The following ATP2C2 variants were observed in gnomAD, a reference collection of about 807,000 sequenced individuals.
ATP2C2 encodes the protein calcium-transporting ATPase type 2C member 2.
Under a neutral mutation model 110.8 loss-of-function variants are expected in ATP2C2, and 171 were observed. The ratio of observed to expected loss-of-function variants is 1.54; its 90% CI spans 1.36 to 1.75. ATP2C2 has a LOEUF of 1.75. ATP2C2 is among the 40% of genes most tolerant of loss of function. The probability of loss-of-function intolerance (pLI) is 0.00; values close to 1 mark genes in which losing one functional copy is unlikely to be tolerated. For synonymous variants in ATP2C2, 804 were observed against 508.4 expected (o/e 1.58, Z -7.82); for missense variants, 1,963 against 1,235.0 (o/e 1.59, Z -8.84).
intron 23 of ATP2C2, 103 bp downstream of exon 23, chr16:84,459,489 C>T (rs559356642): frequency 3.1e-6 from 5 of 1,590,902 alleles, no homozygotes; most frequent in Admixed American, 3.5e-5. Context: ...TGAACAAATA[C>T]AGCCACTTTC....
At chr16:84,376,742 C>T (rs960327763) in intron 1 of ATP2C2, among the ~76,000 whole-genome samples, 1 of 152,186 alleles carries the variant, frequency 6.6e-6, no homozygotes, top group Non-Finnish European at 1.5e-5. Flanking sequence ...CACACATCAT[C>T]CCATGGGGCT....
chr16:84,403,551 C>G (rs920941200), intron 2 of ATP2C2, among the ~76,000 whole-genome samples: 3 of 152,186 alleles, frequency 2.0e-5, no homozygotes. Flanking sequence ...CAAGCAATCT[C>G]CCCACCTCAA....
chr16:84,417,027 A>C (rs1235137177), intron 7 of ATP2C2, among the ~76,000 whole-genome samples: 1 of 152,214 alleles, frequency 6.6e-6, no homozygotes, highest in Admixed American at 6.5e-5. Context: ...AGAGGTGGCC[A>C]ATGACCTGGG....
chr16:84,390,365 C>T (rs1597746021), intron 1 of ATP2C2, among the ~76,000 whole-genome samples: 1 of 152,202 alleles, frequency 6.6e-6, no homozygotes, highest in Non-Finnish European at 1.5e-5. Context: ...GTGGTCCCCT[C>T]GGGAGCCTCT....
chr16:84,455,016 C>CA, intron 21 of ATP2C2, 32 bp downstream of exon 21: 1 of 1,599,878 alleles, frequency 6.3e-7, no homozygotes, highest in South Asian at 1.1e-5. Flanking sequence ...TTTTCAGTTG[C>CA]AAAAATGCCT....
chr16:84,397,655 C>CAAAAAAAAAAAAAAAAAAA lies in ATP2C2; in HGVS notation c.100-826_100-825insAAAAAAAAAAAAAAAAAAA, dbSNP rs58934576. The stretch of plus-strand genomic sequence containing the variant: ...CACCACTGCACTCCAGCCTGGGTGA[C>CAAAAAAAAAAAAAAAAAAA]AAAAAAAAAAAAAAAAAACTTGCTT... On this transcript the variant is annotated intron_variant, in intron 1 of 26. Transcript: ENST00000262429. Among the ~76,000 whole-genome samples the CAAAAAAAAAAAAAAAAAAA allele has an allele frequency of 9.3e-3, 589 of 63,410 alleles. 85 individuals are homozygous for CAAAAAAAAAAAAAAAAAAA. The highest frequency in any genetic ancestry group is 0.028 in the East Asian group (56 of 2,024). The allele number at this position is 63,410 out of a possible 152,430, so 41.6% of individuals were successfully genotyped here. A position where few individuals can be genotyped will look rare whatever the true frequency, so the allele number is the denominator to read the frequency against.
chr16:84,451,087 G>T lies in ATP2C2; in HGVS notation c.1661-834G>T, dbSNP rs185917357. On this transcript the variant is annotated intron_variant, in intron 17 of 26. Transcript: ENST00000262429. ...ATTTACAAAGAAAAAGAGGTTGAAT[G>T]GACTCAGTTCCACGTGGCTGGGGAG... Among the ~76,000 whole-genome samples the T allele has an allele frequency of 4.6e-5, 7 of 152,292 alleles. No homozygotes were observed. In the East Asian group the frequency reaches 1.4e-3, roughly 29 times the overall value.
At chr16:84,425,705 G>A (rs776996927) in intron 10 of ATP2C2, 30 bp from the exon 11 acceptor site, 1 of 1,610,014 alleles carries the variant, frequency 6.2e-7, no homozygotes, top group Non-Finnish European at 8.5e-7. Context: ...AGTGCATATG[G>A]AGATAAGGAT....
At chr16:84,407,762 C>T (rs983406487) in intron 3 of ATP2C2, among the ~76,000 whole-genome samples, 33 of 152,186 alleles carry the variant, frequency 2.2e-4, no homozygotes, top group Admixed American at 2.0e-3. Flanking sequence ...TGAGCCTCTG[C>T]ACCCAGCCCT....
chr16:84,462,183 G>T, intron 26 of ATP2C2, 54 bp downstream of exon 26: 1 of 1,576,838 alleles, frequency 6.3e-7, no homozygotes, highest in East Asian at 2.3e-5. Context: ...CATGGGGGGC[G>T]GCAGCTGCCA....
chr16:84,450,145 T>C (rs1910127363), intron 17 of ATP2C2, among the ~76,000 whole-genome samples: 1 of 152,222 alleles, frequency 6.6e-6, no homozygotes, highest in South Asian at 2.1e-4. Flanking sequence ...TTTTCCTGTC[T>C]TCCCCCAGTG....
intron 11 of ATP2C2, among the ~76,000 whole-genome samples, chr16:84,437,774 C>T (rs1420503651): frequency 6.6e-6 from 1 of 152,234 alleles, no homozygotes; most frequent in Non-Finnish European, 1.5e-5. Flanking sequence ...CCTGGGCCTC[C>T]CAAAGTGCTG....
chr16:84,369,047 C>A (rs1206107102), intron 1 of ATP2C2, among the ~76,000 whole-genome samples: 3 of 152,214 alleles, frequency 2.0e-5, no homozygotes. Flanking sequence ...ATTAAAATTC[C>A]TGGGTCTCCA....
Position 84,451,957 on chromosome 16 carries a change from TGAC to T in ATP2C2, c.1699_1701del (p.Thr567del). ...GCTTCTGGGCCCGAGCTGGGGCGGCTGACGTTTCTCGGTCTTGTGGGCATCATT... is the reference window on the plus strand; with the variant it reads ...GCTTCTGGGCCCGAGCTGGGGCGGCTGTTTCTCGGTCTTGTGGGCATCATT... On this transcript the variant is annotated inframe_deletion, in exon 18 of 27. Transcript: ENST00000262429. 1 of 1,613,990 alleles carries T rather than the reference TGAC, an allele frequency of 6.2e-7. No homozygotes were observed. The highest frequency in any genetic ancestry group is 8.5e-7 in the Non-Finnish European group (1 of 1,179,990).
At position 84,461,749 on chromosome 16, in the gene ATP2C2, G is replaced by C. The variant is rs201453132; in HGVS notation, c.2517G>C (p.Thr839=). The stretch of plus-strand genomic sequence containing the variant: ...ACAGAGCAAGCACTCCCCGCACCAC[G>C]ACGATGACGTTCACTTGTTTTGTGT... The part of the protein sequence containing the change: ...PEDRASTPRT[T]TMTFTCFVFF... Residue 839 remains threonine, a synonymous_variant, in exon 25 of 27, where the codon ACG becomes ACC. Transcript: ENST00000262429. 5.0e-6 allele frequency: 8 copies of C among 1,614,190 alleles called. No individual in the cohort carries two copies. The South Asian group carries it at 7.7e-5, about 16-fold the overall frequency.
intron 11 of ATP2C2, 53 bp from the exon 12 acceptor site, chr16:84,439,113 G>C: frequency 6.2e-7 from 1 of 1,603,552 alleles, no homozygotes; most frequent in Non-Finnish European, 8.5e-7. Flanking sequence ...CCAGCTGAGA[G>C]TCACACACTC....
At position 84,422,447 on chromosome 16, in the gene ATP2C2, A is replaced by G. The variant is rs1907426853; in HGVS notation, c.682A>G (p.Lys228Glu). Residue 228 changes from lysine (K) to glutamate (E), a missense_variant, in exon 8 of 27, where the codon AAA (lysine) becomes GAA (glutamate). Coordinates refer to ENST00000262429, the MANE Select transcript of ATP2C2 (RefSeq NM_014861.4). Reference sequence around the variant, plus strand: ...CACCGGGGAAGCCGAGCCATGTAGTAAAACAGACAGCCCCTTGACAGGCGG... The same window carrying G: ...CACCGGGGAAGCCGAGCCATGTAGTGAAACAGACAGCCCCTTGACAGGCGG... ...SFTGEAEPCS[K>E]TDSPLTGGGD... is the part of the protein sequence containing the mutation. 2 of 1,614,106 alleles carry G rather than the reference A, an allele frequency of 1.2e-6. No individual in the cohort carries two copies. Among genetic ancestry groups the G allele is most frequent in the Non-Finnish European group, 1.7e-6 (2 of 1,180,016 alleles).
At chr16:84,450,593 G>A (rs1324514995) in intron 17 of ATP2C2, among the ~76,000 whole-genome samples, 3 of 152,152 alleles carry the variant, frequency 2.0e-5, no homozygotes, top group African/African-American at 4.8e-5. Context: ...CATTGGAAAA[G>A]GGGAGGAAGG....
At chr16:84,421,983 C>G (rs898932481) in intron 7 of ATP2C2, among the ~76,000 whole-genome samples, 3 of 152,096 alleles carry the variant, frequency 2.0e-5, no homozygotes, top group Non-Finnish European at 4.4e-5. Context: ...GCCTTAGATT[C>G]TGACTGAATA....
Sources: gnomAD v4.1 joint callset for allele counts (sites outside exome capture counted in the v4.1 genomes callset) on GRCh38, gnomAD v4.1.1 for gene constraint, MANE v1.5 for transcripts, NCBI Gene and HGNC (gene_info 2026-07-23, HGNC 2026-07-21) for gene names.